The following TSHR variants were observed in gnomAD, a reference collection of about 807,000 sequenced individuals.
TSHR encodes the protein thyrotropin receptor.
Under a neutral mutation model 64.1 loss-of-function variants are expected in TSHR, and 51 were observed. The observed-to-expected ratio is 0.80, with a 90% CI of 0.64 to 1.01. The LOEUF (loss-of-function observed/expected upper bound fraction) is 1.01, where lower values mean the gene tolerates loss of function less well. Among genes scored for constraint, TSHR ranks in the 50% least tolerant of loss-of-function variants. TSHR has a pLI of 0.00. For missense variants in TSHR, 877 were observed against 942.8 expected (o/e 0.93, Z 0.91); for synonymous variants, 361 against 361.9 (o/e 1.00, Z 0.03).
intron 7 of TSHR, among the ~76,000 whole-genome samples, chr14:81,102,259 T>C (rs1397152678): frequency 1.3e-5 from 2 of 151,950 alleles, no homozygotes. Context: ...TCTCCGTACG[T>C]TCACACCAGC....
intron 5 of TSHR, among the ~76,000 whole-genome samples, chr14:81,091,930 G>C (rs1888768434): frequency 6.6e-6 from 1 of 152,206 alleles, no homozygotes; most frequent in Non-Finnish European, 1.5e-5. Flanking sequence ...TACAAGTTGA[G>C]TTTGCATTAA....
rs117576097 is a variant in TSHR at position 81,018,401 on chromosome 14, G to A, written c.171-43747G>A. Among the ~76,000 whole-genome samples, 39 of 152,212 alleles carry A rather than the reference G, an allele frequency of 2.6e-4. 2 individuals are homozygous for A. The highest frequency in any genetic ancestry group is 1.4e-3 in the East Asian group (7 of 5,182). ...AGTAGGGTCAATTAATTCCACTTTCGCTTTCCCAAAGATTGTAGAGCAACC... is the reference window on the plus strand; with the variant it reads ...AGTAGGGTCAATTAATTCCACTTTCACTTTCCCAAAGATTGTAGAGCAACC... On this transcript the variant is annotated intron_variant, in intron 1 of 9. Transcript: ENST00000298171.
chr14:81,014,408 G>A (rs545661144), intron 1 of TSHR: 1 of 152,284 alleles, frequency 6.6e-6, no homozygotes, highest in African/African-American at 2.4e-5. Context: ...TTTGTATCTA[G>A]GGGATATAAA....
chr14:81,136,320 G>A (rs1174616282), intron 8 of TSHR, among the ~76,000 whole-genome samples: 2 of 152,202 alleles, frequency 1.3e-5, no homozygotes, highest in African/African-American at 4.8e-5. Flanking sequence ...TTACACTGGA[G>A]ATGCAAATAC....
chr14:81,076,666 G>A (rs1459764163), intron 3 of TSHR, among the ~76,000 whole-genome samples: 1 of 152,022 alleles, frequency 6.6e-6, no homozygotes, highest in African/African-American at 2.4e-5. Context: ...ACCATGTCCT[G>A]TTGATTCTAC....
intron 1 of TSHR, chr14:80,993,655 A>G (rs1273456258): frequency 1.3e-5 from 2 of 152,184 alleles, no homozygotes; most frequent in African/African-American, 4.8e-5. Flanking sequence ...AATAAATGTT[A>G]ATGTGTTTTC....
At chr14:80,991,834 G>C (rs1888738070) in intron 1 of TSHR, 1 of 365,122 alleles carries the variant, frequency 2.7e-6, no homozygotes, top group Non-Finnish European at 4.9e-6. Flanking sequence ...ATTGTCTCTT[G>C]ATGCTAAAGT....
intron 1 of TSHR, among the ~76,000 whole-genome samples, chr14:81,038,886 T>A (rs1452345668): frequency 2.0e-5 from 3 of 151,600 alleles, no homozygotes; most frequent in Non-Finnish European, 4.4e-5. Flanking sequence ...AGTAACAAGA[T>A]TCAATCAGTA....
In TSHR at chr14:81,005,354, T is replaced by C. The variant is rs193296415; in HGVS notation, c.170+49504T>C. Among the ~76,000 whole-genome samples the C allele has an allele frequency of 9.9e-4, 151 of 152,224 alleles. 1 individual carries two copies. Among genetic ancestry groups the C allele is most frequent in the Non-Finnish European group, 1.0e-4 (7 of 68,002 alleles). The stretch of plus-strand genomic sequence containing the variant: ...TGTTTTATAGGCACATATTACTGTA[T>C]AATATACTATGTAAATTATAAAACA... On this transcript the variant is annotated intron_variant, in intron 1 of 9. Coordinates refer to ENST00000298171, the MANE Select transcript of TSHR (RefSeq NM_000369.5).
At chr14:81,011,964 A>G (rs544898855) in intron 1 of TSHR, 1 of 152,206 alleles carries the variant, frequency 6.6e-6, no homozygotes, top group Non-Finnish European at 1.5e-5. Context: ...TAATACTTTA[A>G]GTTTTAGGGC....
At chr14:81,016,962 CA>C (rs1326025856) in intron 1 of TSHR, among the ~76,000 whole-genome samples, 4 of 152,142 alleles carry the variant, frequency 2.6e-5, no homozygotes, top group African/African-American at 9.7e-5. Context: ...TGGAAACCAG[CA>C]TGTGAATGTC....
At chr14:81,031,824 A>G (rs1200639102) in intron 1 of TSHR, among the ~76,000 whole-genome samples, 1 of 152,204 alleles carries the variant, frequency 6.6e-6, no homozygotes, top group Non-Finnish European at 1.5e-5. Flanking sequence ...GAGAGGCTAC[A>G]CTACTGTCCT....
At position 81,134,230 on chromosome 14, in the gene TSHR, G is replaced by T. The variant is rs1891363248; in HGVS notation, c.693-5449G>T. Among the ~76,000 whole-genome samples, 4 of 152,082 alleles carry T rather than the reference G, an allele frequency of 2.6e-5. No homozygotes were observed. In the South Asian group the frequency reaches 8.3e-4, roughly 32 times the overall value. On this transcript the variant is annotated intron_variant, in intron 8 of 9. Transcript: ENST00000298171. The stretch of plus-strand genomic sequence containing the variant: ...GGCTCACCACGACCTCCACTTCCCG[G>T]GTTCAAGCGATTTTCTCCTGCCTCA...
chr14:81,124,335 T>C (rs1454089259), intron 8 of TSHR, among the ~76,000 whole-genome samples: 2 of 152,142 alleles, frequency 1.3e-5, no homozygotes, highest in Non-Finnish European at 2.9e-5. Flanking sequence ...TACACGATTT[T>C]CTAGGATGAT....
intron 1 of TSHR, among the ~76,000 whole-genome samples, chr14:81,046,884 C>T (rs1885192256): frequency 6.6e-6 from 1 of 152,074 alleles, no homozygotes; most frequent in South Asian, 2.1e-4. Flanking sequence ...TTGTCAGAAA[C>T]TTCACAGGCT....
chr14:80,981,235 G>T (rs140485951), intron 1 of TSHR, among the ~76,000 whole-genome samples: 3 of 152,194 alleles, frequency 2.0e-5, no homozygotes, highest in Non-Finnish European at 2.9e-5. Flanking sequence ...TACTATCTCA[G>T]CTTGGGAGGT....
At chr14:80,968,526 A>G (rs1228856524) in intron 1 of TSHR, among the ~76,000 whole-genome samples, 1 of 152,162 alleles carries the variant, frequency 6.6e-6, no homozygotes, top group African/African-American at 2.4e-5. Flanking sequence ...TAAGGATGCC[A>G]TTGATAGTCC....
At chr14:80,991,856 A>C (rs1025196980) in intron 1 of TSHR, 1 of 337,708 alleles carries the variant, frequency 3.0e-6, no homozygotes, top group African/African-American at 2.1e-5. Flanking sequence ...ATTCGGTCAT[A>C]CATATCTGAG....
rs940935334 is a variant in TSHR, at chr14:81,019,820, T to C, written c.171-42328T>C. Among the ~76,000 whole-genome samples the C allele has an allele frequency of 7.2e-5, 11 of 152,214 alleles. No individual in the cohort carries two copies. The East Asian group carries it at 1.7e-3, about 24-fold the overall frequency. ...TTTTTTATGGATGCATAGTATTCTA[T>C]AGTGTATGTGCGCCACATTTTCTTT... On this transcript the variant is annotated intron_variant, in intron 1 of 9. Transcript: ENST00000298171.
Sources: allele counts gnomAD v4.1 joint callset (sites outside exome capture counted in the v4.1 genomes callset), GRCh38; gene constraint gnomAD v4.1.1; transcripts MANE v1.5; gene names NCBI Gene and HGNC (gene_info 2026-07-23, HGNC 2026-07-21).